The following GRID1 variants were observed in gnomAD, a reference collection of about 807,000 sequenced individuals.
The protein encoded by GRID1 is glutamate ionotropic receptor delta type subunit 1.
GRID1 carries 28 observed loss-of-function variants against 98.0 expected under a neutral mutation model. That is an observed-to-expected ratio of 0.29 (90% confidence interval 0.21 to 0.39). The LOEUF (loss-of-function observed/expected upper bound fraction) is 0.39. GRID1 is among the 10% of genes least tolerant of loss of function. The pLI is 1.00. For synonymous variants in GRID1, 553 were observed against 538.5 expected, an observed-to-expected ratio of 1.03 and a Z score of -0.37; for missense variants, 1,111 against 1,340.5, an observed-to-expected ratio of 0.83 and a Z score of 2.67.
chr10:85,880,417 G>T (rs968127816), intron 5 of GRID1, among the ~76,000 whole-genome samples: 18 of 152,102 alleles, frequency 1.2e-4, no homozygotes, highest in African/African-American at 4.3e-4. Context: ...CAAAAAGCTT[G>T]TCCACCATGA....
At chr10:86,209,070 AT>A (rs2132021636) in intron 2 of GRID1, among the ~76,000 whole-genome samples, 2 of 152,374 alleles carry the variant, frequency 1.3e-5, no homozygotes, top group East Asian at 3.8e-4. Flanking sequence ...GGTGAAAGTG[AT>A]ACAAAATTGT....
At chr10:86,202,974 CAAATTACAG>C (rs1382439955) in intron 3 of GRID1, among the ~76,000 whole-genome samples, 1 of 152,172 alleles carries the variant, frequency 6.6e-6, no homozygotes, top group African/African-American at 2.4e-5. Flanking sequence ...CTAGTAAGTC[CAAATTACAG>C]AAATAGGATG....
chr10:85,946,072 G>A (rs544125105), intron 4 of GRID1, among the ~76,000 whole-genome samples: 4 of 152,166 alleles, frequency 2.6e-5, no homozygotes, highest in African/African-American at 7.2e-5. Flanking sequence ...TTACAAATAG[G>A]GTCAGCAATC....
chr10:85,707,584 A>T (rs1221992203), intron 12 of GRID1, among the ~76,000 whole-genome samples: 1 of 152,236 alleles, frequency 6.6e-6, no homozygotes, highest in African/African-American at 2.4e-5. Flanking sequence ...AACTAGAAGT[A>T]CCATTTGACC....
intron 5 of GRID1, among the ~76,000 whole-genome samples, chr10:85,883,579 TCTTC>T (rs571123637): frequency 1.4e-3 from 211 of 151,936 alleles, no homozygotes; most frequent in Non-Finnish European, 2.4e-3. Flanking sequence ...ATCTTCTCTT[TCTTC>T]CTTGTTTTTT....
At chr10:85,730,967 C>A (rs1389643822) in intron 8 of GRID1, among the ~76,000 whole-genome samples, 1 of 152,086 alleles carries the variant, frequency 6.6e-6, no homozygotes. Flanking sequence ...CATAAGACCC[C>A]CTAGTTAACC....
At chr10:86,223,597 A>C (rs1358006602) in intron 2 of GRID1, among the ~76,000 whole-genome samples, 1 of 152,212 alleles carries the variant, frequency 6.6e-6, no homozygotes, top group African/African-American at 2.4e-5. Context: ...TTCTGGAGGT[A>C]TGGGGAGGGG....
intron 12 of GRID1, among the ~76,000 whole-genome samples, chr10:85,719,409 A>G (rs781111223): frequency 2.6e-5 from 4 of 152,216 alleles, no homozygotes; most frequent in Admixed American, 6.5e-5. Context: ...GCTGATAAAG[A>G]CATACCCAAA....
At chr10:86,114,021 G>A (rs184987497) in intron 4 of GRID1, among the ~76,000 whole-genome samples, 10 of 152,108 alleles carry the variant, frequency 6.6e-5, no homozygotes, top group African/African-American at 2.4e-4. Flanking sequence ...GTGGAGAGAT[G>A]AGCATCCTTC....
intron 4 of GRID1, among the ~76,000 whole-genome samples, chr10:85,926,529 G>A (rs192972339): frequency 5.9e-5 from 9 of 152,164 alleles, no homozygotes; most frequent in Non-Finnish European, 8.8e-5. Flanking sequence ...AGCTCTTGGG[G>A]ACCTCACAGT....
chr10:86,050,706 A>G (rs1472848065), intron 4 of GRID1, among the ~76,000 whole-genome samples: 1 of 152,206 alleles, frequency 6.6e-6, no homozygotes, highest in Non-Finnish European at 1.5e-5. Flanking sequence ...AATGAAAAAC[A>G]TGGAAAGATA....
At chr10:86,296,729 A>T (rs928947385) in intron 2 of GRID1, among the ~76,000 whole-genome samples, 1 of 152,088 alleles carries the variant, frequency 6.6e-6, no homozygotes, top group Non-Finnish European at 1.5e-5. Context: ...ACAGAGGGAG[A>T]CTCCATCTCA....
chr10:86,004,740 T>TCACACACACACACACACACA (rs201671134), intron 4 of GRID1, among the ~76,000 whole-genome samples: 84 of 94,348 alleles, frequency 8.9e-4, no homozygotes, highest in Middle Eastern at 5.2e-3. Flanking sequence ...ACACACACAC[T>TCACACACACACACACACACA]CACACACACA....
intron 4 of GRID1, among the ~76,000 whole-genome samples, chr10:85,966,924 C>T (rs2131852450): frequency 6.6e-6 from 1 of 152,290 alleles, no homozygotes; most frequent in East Asian, 1.9e-4. Flanking sequence ...TGTCCCCACC[C>T]AAATCTCACC....
At chr10:85,635,455 C>T (rs1321067138) in intron 13 of GRID1, among the ~76,000 whole-genome samples, 1 of 152,192 alleles carries the variant, frequency 6.6e-6, no homozygotes, top group African/African-American at 2.4e-5. Context: ...AAGTGGACCC[C>T]AGCAATTTTG....
At chr10:85,837,894 A>G (rs546851881) in intron 8 of GRID1, among the ~76,000 whole-genome samples, 2 of 152,356 alleles carry the variant, frequency 1.3e-5, no homozygotes, top group South Asian at 2.1e-4. Context: ...TTGAAACCCA[A>G]CGTAAGGAAG....
chr10:86,221,418 G>T (rs530998078), intron 2 of GRID1, among the ~76,000 whole-genome samples: 4 of 152,148 alleles, frequency 2.6e-5, no homozygotes, highest in Admixed American at 6.5e-5. Context: ...CCTCAAGCAC[G>T]CCGTGCTGGG....
chr10:85,774,992 C>T (rs923732757), intron 8 of GRID1, among the ~76,000 whole-genome samples: 3 of 151,868 alleles, frequency 2.0e-5, no homozygotes, highest in African/African-American at 7.3e-5. Flanking sequence ...ACCCAAAGGA[C>T]TATAAATCAT....
intron 8 of GRID1, among the ~76,000 whole-genome samples, chr10:85,788,201 G>C (rs1050126286): frequency 1.3e-5 from 2 of 152,094 alleles, no homozygotes; most frequent in African/African-American, 4.8e-5. Flanking sequence ...CTAGATGCTT[G>C]CCAGCCTTTT....
Sources: gnomAD v4.1 joint callset for allele counts (sites outside exome capture counted in the v4.1 genomes callset) on GRCh38, gnomAD v4.1.1 for gene constraint, MANE v1.5 for transcripts, NCBI Gene and HGNC (gene_info 2026-07-23, HGNC 2026-07-21) for gene names.